The following TP63 variants were observed in gnomAD, a reference collection of about 807,000 sequenced individuals.
TP63 encodes the protein tumor protein p63.
Under a neutral mutation model 82.8 loss-of-function variants are expected in TP63, and 17 were observed. That is an observed-to-expected ratio of 0.21 (90% CI 0.14 to 0.31). The LOEUF (loss-of-function observed/expected upper bound fraction) is 0.31, where lower values mean the gene tolerates loss of function less well. Among genes scored for constraint, TP63 ranks in the 10% least tolerant of loss-of-function variants. The pLI, the probability that TP63 is intolerant of heterozygous loss-of-function variation, is 1.00. For synonymous variants in TP63, 330 were observed against 321.7 expected, an observed-to-expected ratio of 1.03 and a Z score of -0.28; for missense variants, 648 against 895.3, an observed-to-expected ratio of 0.72 and a Z score of 3.52.
rs550991181 is a variant in TP63 at position 189,864,325 on chromosome 3, A to G, written c.673A>G (p.Ile225Val). 1.2e-6 allele frequency: 2 copies of G among 1,614,160 alleles called. No homozygotes were observed. Among genetic ancestry groups the G allele is most frequent in the African/African-American group, 1.3e-5 (1 of 75,064 alleles). ...VMTPPPQGAV[I>V]RAMPVYKKAE... ...GACCCCACCTCCTCAGGGAGCTGTT[A>G]TCCGCGCCATGCCTGTCTACAAAAA... is the stretch of plus-strand genomic sequence containing the variant. Residue 225 changes from isoleucine (I) to valine (V), a missense_variant, in exon 5 of 14, where the codon ATC (isoleucine) becomes GTC (valine). This residue lies in a region of TP63 where 64 missense variants were observed against 144.2 expected (regional missense o/e 0.44). Transcript: ENST00000264731.
At chr3:189,666,816 A>G (rs2108662958) in intron 1 of TP63, among the ~76,000 whole-genome samples, 1 of 152,234 alleles carries the variant, frequency 6.6e-6, no homozygotes, top group South Asian at 2.1e-4. Flanking sequence ...GTATAATACT[A>G]TCACTGGCTT....
intron 4 of TP63, among the ~76,000 whole-genome samples, chr3:189,835,100 A>G (rs957220511): frequency 2.0e-5 from 3 of 152,072 alleles, no homozygotes; most frequent in Admixed American, 6.6e-5. Context: ...GAGGGAGTCA[A>G]ATCTCCTAGT....
chr3:189,679,364 C>T (rs1715714563), intron 1 of TP63, among the ~76,000 whole-genome samples: 1 of 151,914 alleles, frequency 6.6e-6, no homozygotes, highest in African/African-American at 2.4e-5. Flanking sequence ...TTTTGTTTTG[C>T]ATTTCCTTGA....
chr3:189,819,294 A>T (rs548454134), intron 4 of TP63, among the ~76,000 whole-genome samples: 2 of 149,544 alleles, frequency 1.3e-5, no homozygotes, highest in Non-Finnish European at 2.9e-5. Flanking sequence ...CTTTTTTTTT[A>T]AATTTTATTA....
chr3:189,649,844 G>A (rs1471704084), intron 1 of TP63, among the ~76,000 whole-genome samples: 1 of 146,674 alleles, frequency 6.8e-6, no homozygotes, highest in African/African-American at 2.6e-5. Context: ...GGAAATAGGA[G>A]AAGAGAGCAA....
intron 1 of TP63, among the ~76,000 whole-genome samples, chr3:189,684,232 C>G (rs572747894): frequency 6.6e-5 from 10 of 152,122 alleles, no homozygotes; most frequent in African/African-American, 1.7e-4. Flanking sequence ...TTCTAGGTAC[C>G]AGAAATATGA....
intron 3 of TP63, among the ~76,000 whole-genome samples, chr3:189,766,720 A>G (rs1049391510): frequency 1.3e-5 from 2 of 152,266 alleles, no homozygotes; most frequent in African/African-American, 2.4e-5. Flanking sequence ...TAAAAAAAAT[A>G]CAGTGGTAAA....
At chr3:189,685,880 G>C (rs1168887038) in intron 1 of TP63, among the ~76,000 whole-genome samples, 1 of 151,944 alleles carries the variant, frequency 6.6e-6, no homozygotes, top group African/African-American at 2.4e-5. Flanking sequence ...TTAAAAGAAG[G>C]GAACTATCTG....
intron 1 of TP63, among the ~76,000 whole-genome samples, chr3:189,664,725 A>T (rs1364583141): frequency 1.3e-5 from 2 of 152,138 alleles, no homozygotes; most frequent in Non-Finnish European, 2.9e-5. Context: ...GCTGAATTGT[A>T]TGCTTGGATA....
intron 3 of TP63, among the ~76,000 whole-genome samples, chr3:189,781,963 G>A (rs1032243151): frequency 3.3e-5 from 5 of 152,120 alleles, no homozygotes; most frequent in East Asian, 1.9e-4. Context: ...ATAGGATGCC[G>A]AATATATAAT....
At chr3:189,883,158 T>A (rs996546820) in intron 10 of TP63, among the ~76,000 whole-genome samples, 39 of 149,856 alleles carry the variant, frequency 2.6e-4, no homozygotes, top group African/African-American at 9.4e-4. Flanking sequence ...ATATTTCACT[T>A]AAGAACTATT....
chr3:189,712,032 T>C (rs934096286), intron 1 of TP63, among the ~76,000 whole-genome samples: 14 of 152,178 alleles, frequency 9.2e-5, no homozygotes, highest in African/African-American at 3.4e-4. Flanking sequence ...TCAACTTTCT[T>C]CTGGAAAGTT....
chr3:189,603,702 T>G, the TP63 span, among the ~76,000 whole-genome samples: 2 of 150,484 alleles, frequency 1.3e-5, no homozygotes, highest in African/African-American at 4.9e-5. Context: ...AGTTACAGAT[T>G]TTTTTTCCTA....
In TP63 at chr3:189,804,018, G is replaced by C. The variant is rs1252856328; in HGVS notation, c.325-4254G>C. On this transcript the variant is annotated intron_variant, in intron 3 of 13. Coordinates refer to ENST00000264731, the MANE Select transcript of TP63 (RefSeq NM_003722.5). ...CCTTGTGTTTAGAAAGGGAGAACCT[G>C]CTTCCTATTTCATTTCAGATACGCC... Among the ~76,000 whole-genome samples the C allele has an allele frequency of 2.0e-5, 3 of 152,280 alleles. No individual in the cohort carries two copies. The East Asian group carries it at 5.8e-4, about 29-fold the overall frequency.
intron 4 of TP63, among the ~76,000 whole-genome samples, chr3:189,817,827 C>T (rs1728357894): frequency 6.6e-6 from 1 of 151,684 alleles, no homozygotes; most frequent in Non-Finnish European, 1.5e-5. Context: ...AAAAGCATTT[C>T]AGTGTTTTAT....
chr3:189,786,516 G>C (rs1724617009), intron 3 of TP63, among the ~76,000 whole-genome samples: 1 of 149,652 alleles, frequency 6.7e-6, no homozygotes, highest in Admixed American at 6.7e-5. Context: ...CACAAACACA[G>C]GAAAATATAG....
chr3:189,777,693 C>A (rs1031685110), intron 3 of TP63, among the ~76,000 whole-genome samples: 1 of 151,580 alleles, frequency 6.6e-6, no homozygotes, highest in Admixed American at 6.6e-5. Context: ...TGTAACTTTA[C>A]ACTTACTTAG....
At chr3:189,779,433 G>T (rs984221960) in intron 3 of TP63, among the ~76,000 whole-genome samples, 2 of 152,186 alleles carry the variant, frequency 1.3e-5, no homozygotes, top group Admixed American at 6.5e-5. Flanking sequence ...TTAGTTCATT[G>T]TGTCTGTAAC....
intron 1 of TP63, among the ~76,000 whole-genome samples, chr3:189,674,262 G>GTTCAATCCT (rs1715191716): frequency 1.3e-5 from 2 of 151,992 alleles, no homozygotes; most frequent in African/African-American, 4.8e-5. Flanking sequence ...CTTCTTATTG[G>GTTCAATCCT]GACCTATTCA....
Sources: allele counts gnomAD v4.1 joint callset (sites outside exome capture counted in the v4.1 genomes callset), GRCh38; gene constraint gnomAD v4.1.1; regional missense constraint gnomAD v4.1.1; transcripts MANE v1.5; gene names NCBI Gene and HGNC (gene_info 2026-07-23, HGNC 2026-07-21).